TEX9: variants seen among roughly 807,000 people sequenced by gnomAD.
The protein encoded by TEX9 is testis-expressed protein 9.
A neutral mutation model predicts 59.6 loss-of-function variants in TEX9; 74 were observed. The ratio of observed to expected loss-of-function variants is 1.24; its 90% confidence interval spans 1.03 to 1.51. The LOEUF is 1.51. Ranked by LOEUF, TEX9 falls within the 40% of genes most tolerant of loss-of-function variation. The pLI is 0.00. For synonymous variants in TEX9, 186 were observed against 152.2 expected (o/e 1.22, Z -1.64); for missense variants, 522 against 447.8 (o/e 1.17, Z -1.49).
At chr15:56,381,223 T>C (rs1423431795) in intron 3 of TEX9, among the ~76,000 whole-genome samples, 10 of 152,174 alleles carry the variant, frequency 6.6e-5, no homozygotes, top group African/African-American at 2.4e-4. Flanking sequence ...TCAGTTGCAT[T>C]TTTAACTCCA....
At chr15:56,355,462 T>C (rs1596112196) in intron 1 of TEX9, among the ~76,000 whole-genome samples, 1 of 152,200 alleles carries the variant, frequency 6.6e-6, no homozygotes, top group Non-Finnish European at 1.5e-5. Flanking sequence ...TGTCTCTTCT[T>C]TTCCATTGAT....
chr15:56,451,799 C>T, the TEX9 span, among the ~76,000 whole-genome samples: 1 of 152,094 alleles, frequency 6.6e-6, no homozygotes, highest in South Asian at 2.1e-4. Context: ...CATCGTACAT[C>T]AAGGAGCATC....
rs2046908659 is a variant in TEX9, at chr15:56,365,667, ATAAG to A, written c.119+2_119+5del. 6 of 1,613,884 alleles carry A rather than the reference ATAAG, an allele frequency of 3.7e-6. No homozygotes were observed. Among genetic ancestry groups the A allele is most frequent in the Non-Finnish European group, 5.1e-6 (6 of 1,179,980 alleles). On this transcript the variant is annotated splice_donor_variant and coding_sequence_variant, in exon 2 of 13. Transcript: ENST00000352903. LOFTEE classifies it high-confidence loss of function. ...GACCTCCTCGCCTTGGAGGAAGAAT[ATAAG>A]TAAGAAATTCGGCGGTTGAACTTTT...
At chr15:56,271,625 T>TTCCTATA (rs1295380534) in intron 1 of TEX9, among the ~76,000 whole-genome samples, 1 of 152,126 alleles carries the variant, frequency 6.6e-6, no homozygotes, top group African/African-American at 2.4e-5. Context: ...CCAGGAAATG[T>TTCCTATA]TCCTATATTG....
At chr15:56,404,787 G>GAAT (rs2048990230) in intron 9 of TEX9, among the ~76,000 whole-genome samples, 1 of 152,124 alleles carries the variant, frequency 6.6e-6, no homozygotes, top group South Asian at 2.1e-4. Flanking sequence ...ATATACCACG[G>GAAT]AATACTCTGC....
At chr15:56,432,433 T>C (rs1341842887) in intron 12 of TEX9, among the ~76,000 whole-genome samples, 1 of 152,176 alleles carries the variant, frequency 6.6e-6, no homozygotes, top group Non-Finnish European at 1.5e-5. Context: ...TTTAGGAATG[T>C]CTCTGAAATC....
upstream of TEX9, among the ~76,000 whole-genome samples, chr15:56,364,398 C>A (rs909479050): frequency 6.6e-6 from 1 of 151,930 alleles, no homozygotes; most frequent in Non-Finnish European, 1.5e-5. Flanking sequence ...GGTGATCCAC[C>A]CGCCTTGGCC....
At chr15:56,385,025 T>G (rs2047899146) in intron 4 of TEX9, among the ~76,000 whole-genome samples, 1 of 152,230 alleles carries the variant, frequency 6.6e-6, no homozygotes, top group Non-Finnish European at 1.5e-5. Context: ...TTTGAGTTAA[T>G]TTTTGTATGT....
Position 56,282,503 on chromosome 15 carries a change from A to G in TEX9, c.-107+38225A>G, listed in dbSNP as rs796517424. 5.3e-5 allele frequency among the ~76,000 whole-genome samples: 8 copies of G among 152,328 alleles called. 1 individual carries two copies. Among genetic ancestry groups the G allele is most frequent in the African/African-American group, 1.9e-4 (8 of 41,592 alleles). On this transcript the variant is annotated intron_variant, in intron 1 of 5. Coordinates refer to the TEX9 transcript ENST00000560827. ...TGCATAGGAAGTTCTGGTCAATGCA[A>G]TAAAGGTGAACCAGAAATAAACTCT...
At chr15:56,343,962 A>C (rs2046418893) in intron 1 of TEX9, among the ~76,000 whole-genome samples, 1 of 152,188 alleles carries the variant, frequency 6.6e-6, no homozygotes, top group South Asian at 2.1e-4. Flanking sequence ...TCCAAACTAC[A>C]GTGAGATACC....
intron 1 of TEX9, among the ~76,000 whole-genome samples, chr15:56,294,806 T>C (rs1245221616): frequency 7.2e-5 from 11 of 152,134 alleles, no homozygotes; most frequent in Non-Finnish European, 4.4e-5. Context: ...AAACACAAAT[T>C]CTGTTTCACT....
At chr15:56,258,074 G>C (rs1370387476) in intron 1 of TEX9, among the ~76,000 whole-genome samples, 7 of 152,040 alleles carry the variant, frequency 4.6e-5, no homozygotes, top group Non-Finnish European at 8.8e-5. Context: ...GTTTTTGTCA[G>C]GTTTGTCAAA....
chr15:56,272,070 G>A (rs1171913061), intron 1 of TEX9, among the ~76,000 whole-genome samples: 2 of 152,110 alleles, frequency 1.3e-5, no homozygotes, highest in African/African-American at 4.8e-5. Flanking sequence ...CCGGAACCGG[G>A]GAGGCAGAGC....
At chr15:56,327,077 T>C (rs1210539029) in intron 1 of TEX9, among the ~76,000 whole-genome samples, 3 of 152,214 alleles carry the variant, frequency 2.0e-5, no homozygotes, top group Non-Finnish European at 4.4e-5. Flanking sequence ...AACATTTTGA[T>C]ATTCTTTCAT....
chr15:56,370,919 C>T (rs1411194461), intron 2 of TEX9, among the ~76,000 whole-genome samples: 3 of 152,120 alleles, frequency 2.0e-5, no homozygotes, highest in East Asian at 1.9e-4. Context: ...GGCAGTGGCA[C>T]GATCTTGGCT....
intron 1 of TEX9, among the ~76,000 whole-genome samples, chr15:56,337,017 G>A (rs1192671153): frequency 3.9e-5 from 6 of 152,112 alleles, no homozygotes; most frequent in African/African-American, 9.7e-5. Flanking sequence ...ATAGTCTACC[G>A]CTTGTACAGC....
intron 11 of TEX9, 56 bp downstream of exon 11, chr15:56,427,795 A>AATTTAGC: frequency 2.2e-6 from 3 of 1,352,156 alleles, no homozygotes; most frequent in East Asian, 5.5e-5. Context: ...CTTACTAAAA[A>AATTTAGC]ATTTAGCATT....
In TEX9 at chr15:56,327,174, G is replaced by A. The variant is rs533795577; in HGVS notation, c.-106-46267G>A. 4.6e-5 allele frequency among the ~76,000 whole-genome samples: 7 copies of A among 152,002 alleles called. No homozygotes were observed. The East Asian group carries it at 1.4e-3, about 29-fold the overall frequency. On this transcript the variant is annotated intron_variant, in intron 1 of 5. Transcript: ENST00000560827. The stretch of plus-strand genomic sequence containing the variant: ...TATAACATTAATTTGTAGTTGTCTT[G>A]TCACTTAATAAAACCACATTTTTCT...
intron 1 of TEX9, among the ~76,000 whole-genome samples, chr15:56,283,559 G>GA (rs1255734979): frequency 4.6e-5 from 7 of 151,924 alleles, no homozygotes; most frequent in South Asian, 2.1e-4. Flanking sequence ...GCAATTTGGG[G>GA]AAAAAAATCC....
Sources: allele counts gnomAD v4.1 joint callset (sites outside exome capture counted in the v4.1 genomes callset), GRCh38; gene constraint gnomAD v4.1.1; transcripts MANE v1.5; gene names NCBI Gene and HGNC (gene_info 2026-07-23, HGNC 2026-07-21).